Variants in SCCPDH observed in about 807,000 individuals in gnomAD.
SCCPDH encodes the protein saccharopine dehydrogenase-like oxidoreductase.
Under a neutral mutation model 51.5 loss-of-function variants are expected in SCCPDH, and 34 were observed. The observed-to-expected ratio is 0.66, with a 90% confidence interval of 0.50 to 0.88. SCCPDH has a LOEUF of 0.88. SCCPDH is among the 40% of genes least tolerant of loss of function. The pLI, the probability that SCCPDH is intolerant of heterozygous loss-of-function variation, is 0.00. For missense variants in SCCPDH, 464 were observed against 527.1 expected (o/e 0.88, Z 1.17); for synonymous variants, 187 against 191.3 (o/e 0.98, Z 0.19).
intron 2 of SCCPDH, among the ~76,000 whole-genome samples, chr1:246,732,978 G>C (rs1668513941): frequency 6.6e-6 from 1 of 152,312 alleles, no homozygotes; most frequent in East Asian, 1.9e-4. Context: ...CCACTCTGCT[G>C]TTCAGCCATT....
intron 2 of SCCPDH, among the ~76,000 whole-genome samples, chr1:246,731,224 T>C (rs555916263): frequency 2.0e-5 from 3 of 152,156 alleles, no homozygotes; most frequent in Admixed American, 1.3e-4. Context: ...GAGAAAAATC[T>C]AGCAAGTTCA....
chr1:246,726,989 C>T lies in SCCPDH; in HGVS notation c.288C>T (p.Leu96=), dbSNP rs576415150. 6.2e-7 allele frequency: 1 copy of T among 1,610,650 alleles called. No individual in the cohort carries two copies. Among genetic ancestry groups the T allele is most frequent in the Admixed American group, 1.7e-5 (1 of 60,026 alleles). The change falls in exon 2 of 12, where the codon CTC becomes CTT. Residue 96 remains leucine (L), a synonymous_variant. Transcript: ENST00000366510. The part of the protein sequence containing the change: ...DEMAKQATVV[L]NCVGPYRFYG... ...TGGCTAAACAGGCAACAGTTGTCCT[C>T]AATTGCGTAGGACCAGTAAGTAATC...
intron 2 of SCCPDH, among the ~76,000 whole-genome samples, chr1:246,728,872 A>T (rs1668441650): frequency 2.0e-5 from 3 of 152,164 alleles, no homozygotes; most frequent in Non-Finnish European, 4.4e-5. Flanking sequence ...AGACTTTATT[A>T]TCGGGGGAAC....
intron 1 of SCCPDH, 49 bp from the exon 2 acceptor site, chr1:246,726,843 T>C: frequency 1.6e-6 from 2 of 1,284,314 alleles, no homozygotes; most frequent in Non-Finnish European, 1.1e-6. Context: ...ATAAGGAAGA[T>C]ATAATCCTCT....
rs1354242479 is a variant in SCCPDH, at chr1:246,767,210, A to C, written c.1200A>C (p.Thr400=). ...SHLPKAGGVF[T]PGAAFSKTKL... ...TGTTTTATAGGGGCGGGGTCTTCAC[A>C]CCTGGAGCAGCTTTTTCCAAAACAA... The change falls in exon 12 of 12, where the codon ACA becomes ACC. Residue 400 remains threonine, a synonymous_variant. Coordinates refer to ENST00000366510, the MANE Select transcript of SCCPDH (RefSeq NM_016002.3). The C allele has an allele frequency of 3.7e-6, 6 of 1,610,356 alleles. No individual in the cohort carries two copies. Among genetic ancestry groups the C allele is most frequent in the Non-Finnish European group, 5.1e-6 (6 of 1,178,018 alleles).
chr1:246,732,393 A>ATT (rs879646248), intron 2 of SCCPDH, among the ~76,000 whole-genome samples: 2 of 145,688 alleles, frequency 1.4e-5, no homozygotes, highest in African/African-American at 5.0e-5. Context: ...CTGCTTCCAG[A>ATT]TTTTTTTTTT....
intron 5 of SCCPDH, among the ~76,000 whole-genome samples, chr1:246,754,339 G>T (rs1335474432): frequency 6.6e-6 from 1 of 152,202 alleles, no homozygotes; most frequent in East Asian, 1.9e-4. Context: ...TACCCCTGAG[G>T]CCACTGCAAC....
In SCCPDH at chr1:246,758,244, G is replaced by C. The variant is rs758067910; in HGVS notation, c.583G>C (p.Gly195Arg). ...SGPEGLSIHD[G>R]TWKSAIYGFG... is the part of the protein sequence containing the mutation. ...TTATTAGGGGTTGAGCATTCATGAT[G>C]GTACCTGGAAGTCAGCAATTTATGG... Residue 195 changes from glycine (G) to arginine (R), a missense_variant, in exon 6 of 12, where the codon GGT (glycine) becomes CGT (arginine). Transcript: ENST00000366510. The C allele has an allele frequency of 1.3e-6, 2 of 1,594,504 alleles. No homozygotes were observed. Among genetic ancestry groups the C allele is most frequent in the South Asian group, 1.1e-5 (1 of 87,156 alleles).
intron 3 of SCCPDH, among the ~76,000 whole-genome samples, chr1:246,736,285 A>C (rs1668587945): frequency 1.3e-5 from 2 of 152,176 alleles, no homozygotes; most frequent in African/African-American, 4.8e-5. Context: ...ATCATTTCTT[A>C]TAGGTCTGTG....
intron 5 of SCCPDH, among the ~76,000 whole-genome samples, chr1:246,752,945 C>T (rs923030399): frequency 3.3e-5 from 5 of 152,066 alleles, no homozygotes; most frequent in Admixed American, 6.5e-5. Context: ...TCCTCTTTCT[C>T]TCCCTTTGCC....
intron 9 of SCCPDH, among the ~76,000 whole-genome samples, chr1:246,761,216 A>G (rs532636793): frequency 1.4e-4 from 22 of 152,330 alleles, no homozygotes; most frequent in African/African-American, 5.3e-4. Flanking sequence ...GGCACTGTGC[A>G]GGAATGCGCC....
Position 246,763,656 on chromosome 1 carries a change from C to G in SCCPDH, c.991-590C>G, listed in dbSNP as rs12024703. 7.1e-3 allele frequency among the ~76,000 whole-genome samples: 1,084 copies of G among 152,234 alleles called. 14 individuals carry two copies. Among genetic ancestry groups the G allele is most frequent in the East Asian group, 0.026 (134 of 5,178 alleles). On this transcript the variant is annotated intron_variant, in intron 9 of 11. Coordinates refer to ENST00000366510, the MANE Select transcript of SCCPDH (RefSeq NM_016002.3). ...TAATCTGTTTATCTCTCTCTCCCCC[C>G]CTTTCCTCCTACTAAACTGTAAGCT...
intron 3 of SCCPDH, among the ~76,000 whole-genome samples, chr1:246,738,623 G>A (rs1175194563): frequency 6.6e-6 from 1 of 152,010 alleles, no homozygotes; most frequent in Non-Finnish European, 1.5e-5. Context: ...GGGAGGCCGA[G>A]GCACGTGGAT....
At chr1:246,758,189 C>T in intron 5 of SCCPDH, 37 bp from the exon 6 acceptor site, 2 of 1,502,442 alleles carry the variant, frequency 1.3e-6, no homozygotes, top group Non-Finnish European at 1.8e-6. Flanking sequence ...AGTAACTACC[C>T]TTTCATGTTT....
At chr1:246,747,841 G>T (rs888583950) in intron 5 of SCCPDH, among the ~76,000 whole-genome samples, 12 of 152,204 alleles carry the variant, frequency 7.9e-5, no homozygotes, top group Admixed American at 3.9e-4. Context: ...GCAGGTGATA[G>T]AGGCTAGGAG....
At chr1:246,761,574 G>T (rs1246844762) in intron 9 of SCCPDH, among the ~76,000 whole-genome samples, 3 of 152,014 alleles carry the variant, frequency 2.0e-5, no homozygotes, top group South Asian at 4.1e-4. Flanking sequence ...CCCTCCCCCA[G>T]CCCCGGCAAC....
chr1:246,739,514 G>GA (rs1263090980), intron 3 of SCCPDH, among the ~76,000 whole-genome samples: 1 of 152,078 alleles, frequency 6.6e-6, no homozygotes, highest in Non-Finnish European at 1.5e-5. Context: ...TCCTGGAGCA[G>GA]AAAAAGGGGT....
intron 1 of SCCPDH, 85 bp downstream of exon 1, chr1:246,724,697 G>GA (rs1668360690): frequency 8.1e-7 from 1 of 1,240,068 alleles, no homozygotes; most frequent in African/African-American, 1.6e-5. Flanking sequence ...CTCCCGCAGG[G>GA]ATGCGCCCTA....
intron 5 of SCCPDH, among the ~76,000 whole-genome samples, chr1:246,755,168 C>T (rs72764634): frequency 0.023 from 3,531 of 152,236 alleles, 70 homozygotes; most frequent in Non-Finnish European, 0.034. Context: ...AAGGATCCAG[C>T]GTATTCATGG....
Sources: allele counts gnomAD v4.1 joint callset (sites outside exome capture counted in the v4.1 genomes callset), GRCh38; gene constraint gnomAD v4.1.1; transcripts MANE v1.5; gene names NCBI Gene and HGNC (gene_info 2026-07-23, HGNC 2026-07-21).